SYT16: variants seen among roughly 807,000 people sequenced by gnomAD.
The protein encoded by SYT16 is synaptotagmin-16.
SYT16 carries 42 observed loss-of-function variants against 61.4 expected under a neutral mutation model. The ratio of observed to expected loss-of-function variants is 0.68; its 90% CI spans 0.53 to 0.89. The LOEUF is 0.89. Among genes scored for constraint, SYT16 ranks in the 40% least tolerant of loss-of-function variants. The probability of loss-of-function intolerance (pLI) is 0.00; values close to 1 mark genes in which losing one functional copy is unlikely to be tolerated. For synonymous variants in SYT16, 314 were observed against 302.3 expected, an observed-to-expected ratio of 1.04 and a Z score of -0.40; for missense variants, 804 against 807.3, an observed-to-expected ratio of 1.00 and a Z score of 0.05.
intron 1 of SYT16, among the ~76,000 whole-genome samples, chr14:61,920,413 T>C (rs1031381202): frequency 1.3e-5 from 2 of 152,138 alleles, no homozygotes; most frequent in Non-Finnish European, 2.9e-5. Context: ...GTCCTAATGC[T>C]CTCCCTCCCC....
intron 3 of SYT16, among the ~76,000 whole-genome samples, chr14:62,064,392 GA>G (rs952185883): frequency 6.8e-6 from 1 of 147,840 alleles, no homozygotes; most frequent in Admixed American, 6.7e-5. Context: ...AAATGCTATG[GA>G]AAAACCATTG....
In SYT16 at chr14:61,901,755, TAA is replaced by T. The variant is rs1491461744; in HGVS notation, c.-324-68376_-324-68375del. On this transcript the variant is annotated intron_variant, in intron 1 of 7. Transcript: ENST00000683842. ...GTTCATCTGCTTATAATAATAATAA[TAA>T]TAATAATTATTATTATTATTATTTT... Among the ~76,000 whole-genome samples the T allele has an allele frequency of 3.0e-3, 435 of 147,248 alleles. 2 individuals carry two copies. The highest frequency in any genetic ancestry group is 9.8e-3 in the African/African-American group (391 of 40,020).
chr14:62,081,397 C>G (rs1320658837), intron 6 of SYT16, 123 bp downstream of exon 6: 3 of 1,077,314 alleles, frequency 2.8e-6, no homozygotes, highest in East Asian at 5.2e-5. Flanking sequence ...CCATTTGGCT[C>G]TCCTCACCCT....
At chr14:61,860,249 C>T (rs2046923369) in intron 1 of SYT16, among the ~76,000 whole-genome samples, 1 of 152,186 alleles carries the variant, frequency 6.6e-6, no homozygotes, top group African/African-American at 2.4e-5. Flanking sequence ...CCATTCTAGC[C>T]TGTATTTGTT....
At chr14:61,872,685 C>T (rs2047366296) in intron 1 of SYT16, among the ~76,000 whole-genome samples, 1 of 152,172 alleles carries the variant, frequency 6.6e-6, no homozygotes, top group South Asian at 2.1e-4. Context: ...TGTTGGGCTG[C>T]TAAGACCCAG....
chr14:62,107,035 A>G lies in SYT16; in HGVS notation c.*6328A>G, dbSNP rs1193912705. The G allele has an allele frequency of 6.6e-6, 1 of 151,260 alleles. No homozygotes were observed. Among genetic ancestry groups the G allele is most frequent in the Non-Finnish European group, 1.5e-5 (1 of 67,904 alleles). The allele number at this position is 151,260 out of a possible 1,614,324, so 9.4% of individuals were successfully genotyped here. A position where few individuals can be genotyped will look rare whatever the true frequency, so the allele number is the denominator to read the frequency against. ...AGGATGATGAGAAGGCTGACTTCCT[A>G]TTGTATTGCCATATTTATGCATTAT... On this transcript the variant is annotated 3_prime_UTR_variant, in exon 8 of 8. Transcript: ENST00000683842.
intron 1 of SYT16, among the ~76,000 whole-genome samples, chr14:61,955,229 T>A (rs1223005944): frequency 6.6e-6 from 1 of 152,112 alleles, no homozygotes; most frequent in Non-Finnish European, 1.5e-5. Flanking sequence ...ATCAATGGTA[T>A]AAACTTGTTC....
chr14:62,050,782 C>G (rs1201262668), intron 3 of SYT16, among the ~76,000 whole-genome samples: 1 of 152,100 alleles, frequency 6.6e-6, no homozygotes, highest in East Asian at 1.9e-4. Flanking sequence ...GGCTGCAGAA[C>G]AGCAGATGTT....
rs2057435365 is a variant in SYT16 at position 62,102,267 on chromosome 14, T to C, written c.*1560T>C. On this transcript the variant is annotated 3_prime_UTR_variant, in exon 8 of 8. Transcript: ENST00000683842. ...CATATTTATTCCTTACAGTGTGTAA[T>C]GGTTATCCTGACAAGACCAGACTAG... 1 of 152,324 alleles carries C rather than the reference T, an allele frequency of 6.6e-6. No homozygotes were observed. Among genetic ancestry groups the C allele is most frequent in the East Asian group, 1.9e-4 (1 of 5,192 alleles). The allele number at this position is 152,324 out of a possible 1,614,324, so 9.4% of individuals were successfully genotyped here.
chr14:61,878,220 A>T (rs918228400), intron 1 of SYT16, among the ~76,000 whole-genome samples: 1 of 152,204 alleles, frequency 6.6e-6, no homozygotes, highest in Non-Finnish European at 1.5e-5. Context: ...GAAAATGAAG[A>T]TGATTAGAAA....
chr14:61,983,965 C>T (rs551878650), intron 2 of SYT16, among the ~76,000 whole-genome samples: 5 of 152,296 alleles, frequency 3.3e-5, no homozygotes, highest in South Asian at 4.1e-4. Context: ...TTGATGGGAA[C>T]AGGGTGATGA....
At chr14:62,091,460 C>CT in intron 7 of SYT16, among the ~76,000 whole-genome samples, 1 of 152,110 alleles carries the variant, frequency 6.6e-6, no homozygotes, top group Non-Finnish European at 1.5e-5. Flanking sequence ...AAAGCAAAAA[C>CT]AGGAGCGGTA....
At chr14:62,067,622 T>C (rs1051234787) in intron 3 of SYT16, among the ~76,000 whole-genome samples, 7 of 152,278 alleles carry the variant, frequency 4.6e-5, no homozygotes, top group African/African-American at 1.7e-4. Context: ...GGTGAGGGTA[T>C]GGAGAAGAGG....
intron 1 of SYT16, among the ~76,000 whole-genome samples, chr14:61,836,254 T>C (rs191924037): frequency 1.8e-3 from 274 of 152,342 alleles, no homozygotes; most frequent in Middle Eastern, 3.4e-3. Context: ...CTTCCACCTC[T>C]TTGTGCCTGC....
chr14:61,975,522 G>A (rs1165941454), intron 2 of SYT16, among the ~76,000 whole-genome samples: 1 of 152,198 alleles, frequency 6.6e-6, no homozygotes, highest in South Asian at 2.1e-4. Context: ...GGAGACAGGA[G>A]CCTTCTTCAC....
intron 1 of SYT16, among the ~76,000 whole-genome samples, chr14:61,936,048 A>AG (rs2049968241): frequency 6.6e-6 from 1 of 152,162 alleles, no homozygotes; most frequent in Non-Finnish European, 1.5e-5. Context: ...AATCTTCTTT[A>AG]GAAAAAAAAC....
chr14:62,018,474 A>AT (rs1215526536), intron 3 of SYT16, among the ~76,000 whole-genome samples: 1 of 151,376 alleles, frequency 6.6e-6, no homozygotes, highest in Non-Finnish European at 1.5e-5. Context: ...CGCCTGGCTA[A>AT]TTTTTTGTAT....
intron 1 of SYT16, among the ~76,000 whole-genome samples, chr14:61,850,782 T>G (rs941835021): frequency 6.6e-6 from 1 of 152,244 alleles, no homozygotes. Context: ...TTCTTCAGAT[T>G]ACTTTTGAGG....
intron 7 of SYT16, among the ~76,000 whole-genome samples, chr14:62,086,973 A>G (rs1244879066): frequency 1.3e-5 from 2 of 152,208 alleles, no homozygotes; most frequent in African/African-American, 2.4e-5. Flanking sequence ...AGCCAGTTTA[A>G]TTAGGAAGGG....
Sources: allele counts gnomAD v4.1 joint callset (sites outside exome capture counted in the v4.1 genomes callset), GRCh38; gene constraint gnomAD v4.1.1; transcripts MANE v1.5; gene names NCBI Gene and HGNC (gene_info 2026-07-23, HGNC 2026-07-21).